Variants in ERH observed in about 807,000 individuals in gnomAD.
The protein encoded by ERH is ERH mRNA splicing and mitosis factor.
In ERH, 1 loss-of-function variant was observed where a neutral mutation model predicts 16.8. That is an observed-to-expected ratio of 0.06 (90% CI 0.02 to 0.28). The LOEUF (loss-of-function observed/expected upper bound fraction) is 0.28. ERH is among the 10% of genes least tolerant of loss of function. The pLI, the probability that ERH is intolerant of heterozygous loss-of-function variation, is 1.00. For missense variants in ERH, 42 were observed against 127.5 expected, an observed-to-expected ratio of 0.33 and a Z score of 3.23; for synonymous variants, 43 against 43.6, an observed-to-expected ratio of 0.99 and a Z score of 0.05.
intron 2 of ERH, among the ~76,000 whole-genome samples, chr14:69,394,134 C>T (rs933160695): frequency 1.3e-5 from 2 of 151,898 alleles, no homozygotes; most frequent in African/African-American, 4.8e-5. Context: ...CAGACAGACA[C>T]ACAAGCCTAT....
intron 2 of ERH, among the ~76,000 whole-genome samples, chr14:69,392,884 A>C (rs1028578613): frequency 6.6e-6 from 1 of 152,254 alleles, no homozygotes; most frequent in Non-Finnish European, 1.5e-5. Context: ...ATCAAAGACC[A>C]AACATGATAA....
chr14:69,393,864 C>A (rs900323636), intron 2 of ERH, among the ~76,000 whole-genome samples: 22 of 151,968 alleles, frequency 1.4e-4, no homozygotes, highest in African/African-American at 5.3e-4. Flanking sequence ...TATAAAAAAA[C>A]CAAAAAATTA....
chr14:69,389,025 CTTTT>C (rs553937399), intron 2 of ERH, among the ~76,000 whole-genome samples: 7 of 147,066 alleles, frequency 4.8e-5, no homozygotes, highest in Admixed American at 6.8e-5. Context: ...CACAGTTATA[CTTTT>C]TTTTTTTGAG....
chr14:69,386,798 T>C lies in ERH; in HGVS notation c.212+165A>G, dbSNP rs2045895970. 20 of 562,612 alleles carry C rather than the reference T, an allele frequency of 3.6e-5. No homozygotes were observed. In the South Asian group the frequency reaches 8.7e-4, roughly 24 times the overall value. 34.9% of individuals were successfully genotyped at this position (562,612 alleles called of 1,614,324 possible). ...TTTTTTCTGTGCCTTTGGCTTTATG[T>C]TGCCAATCTCTTATTTCTGTAAGAG... On this transcript the variant is annotated intron_variant, in intron 3 of 3. Coordinates refer to ENST00000557016, the MANE Select transcript of ERH (RefSeq NM_004450.3).
chr14:69,389,584 G>A (rs2045912451), intron 2 of ERH, among the ~76,000 whole-genome samples: 1 of 152,170 alleles, frequency 6.6e-6, no homozygotes, highest in African/African-American at 2.4e-5. Context: ...AATGAGTACA[G>A]CAAGGTTGCA....
chr14:69,390,676 T>C (rs2045919068), intron 2 of ERH, among the ~76,000 whole-genome samples: 1 of 152,076 alleles, frequency 6.6e-6, no homozygotes, highest in African/African-American at 2.4e-5. Flanking sequence ...AAGTTAAAGT[T>C]TATAAAAATA....
chr14:69,387,254 T>C (rs2045898018), intron 2 of ERH, among the ~76,000 whole-genome samples, 171 bp from the exon 3 acceptor site: 1 of 152,246 alleles, frequency 6.6e-6, no homozygotes, highest in Non-Finnish European at 1.5e-5. Flanking sequence ...GCAAATACTT[T>C]TTTATTTTAT....
At chr14:69,392,472 A>G (rs974378244) in intron 2 of ERH, among the ~76,000 whole-genome samples, 3 of 152,218 alleles carry the variant, frequency 2.0e-5, no homozygotes, top group Non-Finnish European at 4.4e-5. Context: ...GGAAAAGACA[A>G]AACTATGGAG....
At chr14:69,387,710 A>AAAAAAAAAT (rs2045900509) in intron 2 of ERH, among the ~76,000 whole-genome samples, 1 of 151,764 alleles carries the variant, frequency 6.6e-6, no homozygotes, top group African/African-American at 2.4e-5. Flanking sequence ...AAAAAAAAAA[A>AAAAAAAAAT]ATTGGCAACA....
At chr14:69,395,029 A>C in intron 1 of ERH, 117 bp from the exon 2 acceptor site, 2 of 742,930 alleles carry the variant, frequency 2.7e-6, no homozygotes, top group Non-Finnish European at 4.4e-6. Context: ...ATGTAATTAG[A>C]GAGGCCAGGC....
chr14:69,383,330 A>G (rs2045873645), intron 3 of ERH, among the ~76,000 whole-genome samples: 1 of 152,238 alleles, frequency 6.6e-6, no homozygotes, highest in African/African-American at 2.4e-5. Context: ...GTTTAAAAAG[A>G]ATTAATTTAA....
intron 2 of ERH, among the ~76,000 whole-genome samples, chr14:69,392,018 G>T (rs1044886486): frequency 7.9e-5 from 12 of 152,010 alleles, no homozygotes; most frequent in Non-Finnish European, 1.5e-4. Flanking sequence ...ACTAATAGAA[G>T]ATGCACTAAT....
chr14:69,384,368 A>T (rs1455154921), intron 3 of ERH, among the ~76,000 whole-genome samples: 1 of 152,244 alleles, frequency 6.6e-6, no homozygotes, highest in Admixed American at 6.5e-5. Flanking sequence ...AGCAAACTAA[A>T]GTTTAGCAAT....
intron 1 of ERH, 68 bp from the exon 2 acceptor site, chr14:69,394,980 T>C (rs1379305415): frequency 1.9e-6 from 2 of 1,074,792 alleles, no homozygotes; most frequent in Non-Finnish European, 2.8e-6. Flanking sequence ...TAAAAAAAAA[T>C]CCCCATTTGT....
At chr14:69,394,948 A>G in intron 1 of ERH, 36 bp from the exon 2 acceptor site, 2 of 1,401,766 alleles carry the variant, frequency 1.4e-6, no homozygotes, top group Non-Finnish European at 2.0e-6. Flanking sequence ...ATAAGTTTCT[A>G]TTTGAGAAAT....
chr14:69,385,440 C>T (rs1020674887), intron 3 of ERH, among the ~76,000 whole-genome samples: 2 of 152,038 alleles, frequency 1.3e-5, no homozygotes, highest in South Asian at 2.1e-4. Flanking sequence ...AGATAATTCC[C>T]CCCAGCTCCC....
chr14:69,384,681 A>G (rs1258423340), intron 3 of ERH, among the ~76,000 whole-genome samples: 1 of 151,576 alleles, frequency 6.6e-6, no homozygotes, highest in Non-Finnish European at 1.5e-5. Flanking sequence ...AAAATTATCA[A>G]TAATTTTAGA....
Position 69,380,571 on chromosome 14 carries a change from G to T in ERH, c.282C>A (p.Leu94=). 1.2e-6 allele frequency: 2 copies of T among 1,610,350 alleles called. No homozygotes were observed. The highest frequency in any genetic ancestry group is 1.7e-5 in the Admixed American group (1 of 59,644). ...KDWIKEKIYV[L]LRRQAQQAGK The stretch of plus-strand genomic sequence containing the variant: ...CAGCCTGTTGGGCCTGCCGACGAAG[G>T]AGCACGTAGATCTTCTCTTTAATCC... The change falls in exon 4 of 4, where the codon CTC becomes CTA. Residue 94 remains leucine (L), a synonymous_variant. Transcript: ENST00000557016.
intron 2 of ERH, among the ~76,000 whole-genome samples, chr14:69,390,388 G>C (rs1302433214): frequency 1.3e-5 from 2 of 152,128 alleles, no homozygotes; most frequent in African/African-American, 4.8e-5. Flanking sequence ...ACAGAAATGA[G>C]AGTCCAGAAA....
Sources: gnomAD v4.1 joint callset for allele counts (sites outside exome capture counted in the v4.1 genomes callset) on GRCh38, gnomAD v4.1.1 for gene constraint, MANE v1.5 for transcripts, NCBI Gene and HGNC (gene_info 2026-07-23, HGNC 2026-07-21) for gene names.